Variants in PCYT2 observed in about 807,000 individuals in gnomAD.
PCYT2 encodes ethanolamine-phosphate cytidylyltransferase.
In PCYT2, 33 loss-of-function variants were observed where a neutral mutation model predicts 50.0. That is an observed-to-expected ratio of 0.66 (90% CI 0.50 to 0.88). PCYT2 has a LOEUF of 0.88. Ranked by LOEUF, PCYT2 falls within the 40% of genes least tolerant of loss-of-function variation. The pLI is 0.00. For synonymous variants in PCYT2, 240 were observed against 203.7 expected, an observed-to-expected ratio of 1.18 and a Z score of -1.52; for missense variants, 430 against 519.7, an observed-to-expected ratio of 0.83 and a Z score of 1.68.
At position 81,902,179 on chromosome 17, in the gene PCYT2, T is replaced by A; in HGVS notation, c.*2654A>T. 25 of 935,608 alleles carry A rather than the reference T, an allele frequency of 2.7e-5. No individual in the cohort carries two copies. The highest frequency in any genetic ancestry group is 3.3e-5 in the Non-Finnish European group (24 of 730,262). 58.0% of individuals were successfully genotyped at this position (935,608 alleles called of 1,614,324 possible). A position where few individuals can be genotyped will look rare whatever the true frequency, so the allele number is the denominator to read the frequency against. The stretch of plus-strand genomic sequence containing the variant: ...GCCCGCCCGCCGCCCCTCCCGGCCC[T>A]CCGCAGCCTCGGCCCGCCCTCGCCG... On this transcript the variant is annotated 3_prime_UTR_variant, in exon 13 of 13. Transcript: ENST00000538936.
intron 6 of PCYT2, 110 bp downstream of exon 6, chr17:81,907,444 G>A: frequency 7.8e-7 from 1 of 1,276,206 alleles, no homozygotes; most frequent in Non-Finnish European, 1.1e-6. Context: ...GGGACAGAGG[G>A]AGGAGGGTGA....
At chr17:81,909,142 G>A (rs2143720065) in intron 2 of PCYT2, 105 bp from the exon 3 acceptor site, 3 of 1,520,488 alleles carry the variant, frequency 2.0e-6, no homozygotes, top group Admixed American at 2.1e-5. Context: ...AGGGCCGGTG[G>A]GGGCAGGCTG....
At chr17:81,910,130 C>T (rs920908884) in intron 1 of PCYT2, among the ~76,000 whole-genome samples, 2 of 152,252 alleles carry the variant, frequency 1.3e-5, no homozygotes, top group African/African-American at 2.4e-5. Context: ...GCCTCAAGCT[C>T]AGCAGGCTTA....
Position 81,905,394 on chromosome 17 carries a change from G to T in PCYT2, c.957C>A (p.Ser319=). The T allele has an allele frequency of 6.4e-7, 1 of 1,560,460 alleles. No individual in the cohort carries two copies. The highest frequency in any genetic ancestry group is 8.7e-7 in the Non-Finnish European group (1 of 1,152,258). The change falls in exon 11 of 13, where the codon TCC becomes TCA. Residue 319 remains serine (S), a synonymous_variant. Coordinates refer to ENST00000538936, the MANE Select transcript of PCYT2 (RefSeq NM_002861.5). ...KTEIIPDRDG[S]DPYQEPKRRG... is the part of the protein sequence containing the mutation. The stretch of plus-strand genomic sequence containing the variant: ...CAGCATGACCCACCTGGTATGGGTC[G>T]GAGCCATCCCTGTCAGGGATAATTT...
chr17:81,910,403 G>A lies in PCYT2; in HGVS notation c.90-801C>T, dbSNP rs1049081440. On this transcript the variant is annotated intron_variant, in intron 1 of 12. Coordinates refer to ENST00000538936, the MANE Select transcript of PCYT2 (RefSeq NM_002861.5). ...CAGAGTTGCTCCACTGCACACCACTGCTTCCTCCCAGCACCCCTGCCACAG... is the reference window on the plus strand; with the variant it reads ...CAGAGTTGCTCCACTGCACACCACTACTTCCTCCCAGCACCCCTGCCACAG... Among the ~76,000 whole-genome samples the A allele has an allele frequency of 4.6e-5, 7 of 152,362 alleles. No individual in the cohort carries two copies. In the East Asian group the frequency reaches 5.8e-4, roughly 13 times the overall value.
Position 81,902,957 on chromosome 17 carries a change from G to A in PCYT2, c.*1876C>T, listed in dbSNP as rs1161962104. 1 of 530,528 alleles carries A rather than the reference G, an allele frequency of 1.9e-6. No individual in the cohort carries two copies. The highest frequency in any genetic ancestry group is 3.7e-5 in the Admixed American group (1 of 26,794). The allele number at this position is 530,528 out of a possible 1,614,324, so 32.9% of individuals were successfully genotyped here. On this transcript the variant is annotated 3_prime_UTR_variant, in exon 13 of 13. Coordinates refer to ENST00000538936, the MANE Select transcript of PCYT2 (RefSeq NM_002861.5). Reference sequence around the variant, plus strand: ...CAGGCCACGAGGGGAACGGGACCTGGAAATCCCCAAGCCTGGGTATGAGAA... The same window carrying A: ...CAGGCCACGAGGGGAACGGGACCTGAAAATCCCCAAGCCTGGGTATGAGAA...
rs1231352755 is a variant in PCYT2, at chr17:81,905,048, G to A, written c.1058+18C>T. On this transcript the variant is annotated intron_variant, in intron 12 of 12. Coordinates refer to ENST00000538936, the MANE Select transcript of PCYT2 (RefSeq NM_002861.5). ...AGCGCCCATGAGGCGGCTCCGAGGTGCCCCCACCCAACTGCACCTGTTGGT... is the reference window on the plus strand; with the variant it reads ...AGCGCCCATGAGGCGGCTCCGAGGTACCCCCACCCAACTGCACCTGTTGGT... The A allele has an allele frequency of 1.7e-5, 28 of 1,607,518 alleles. No individual in the cohort carries two copies. Among genetic ancestry groups the A allele is most frequent in the East Asian group, 2.2e-5 (1 of 44,848 alleles).
chr17:81,905,031 T>C, intron 12 of PCYT2, 35 bp downstream of exon 12: 2 of 1,596,290 alleles, frequency 1.3e-6, no homozygotes, highest in Non-Finnish European at 1.7e-6. Flanking sequence ...AGAGCGCCCA[T>C]GAGGCGGCTC....
chr17:81,906,536 A>G lies in PCYT2; in HGVS notation c.687T>C (p.His229=), dbSNP rs1352928330. 4 of 1,613,382 alleles carry G rather than the reference A, an allele frequency of 2.5e-6. No individual in the cohort carries two copies. Among genetic ancestry groups the G allele is most frequent in the Non-Finnish European group, 3.4e-6 (4 of 1,179,932 alleles). ...TGTGCACCTTCTCCAGGAAGTCCACATGCCCGATGTCTGCACCCAGGTTAA... is the reference window on the plus strand; with the variant it reads ...TGTGCACCTTCTCCAGGAAGTCCACGTGCCCGATGTCTGCACCCAGGTTAA... ...AGAFDLFHIG[H]VDFLEKVHRL... is the part of the protein sequence containing the mutation. The change falls in exon 8 of 13, where the codon CAT becomes CAC. Residue 229 remains histidine (H), a synonymous_variant. Coordinates refer to ENST00000538936, the MANE Select transcript of PCYT2 (RefSeq NM_002861.5).
In PCYT2 at chr17:81,904,670, C is replaced by T; in HGVS notation, c.*163G>A. On this transcript the variant is annotated 3_prime_UTR_variant, in exon 13 of 13. Transcript: ENST00000538936. ...AGCTTTGCTGGAAAGAGCGGAGAGC[C>T]TGCTGCAAACCAGGCACCTTGTAGG... 1 of 594,672 alleles carries T rather than the reference C, an allele frequency of 1.7e-6. No homozygotes were observed. Among genetic ancestry groups the T allele is most frequent in the South Asian group, 2.1e-5 (1 of 47,004 alleles). 36.8% of individuals were successfully genotyped at this position (594,672 alleles called of 1,614,324 possible).
chr17:81,902,829 A>G lies in PCYT2; in HGVS notation c.*2004T>C, dbSNP rs2040016046. ...TGACCCCAGGCCCCTCCGGCGCGGGATGGCGCCCCAGGTCTCCCCTACTCC... is the reference window on the plus strand; with the variant it reads ...TGACCCCAGGCCCCTCCGGCGCGGGGTGGCGCCCCAGGTCTCCCCTACTCC... On this transcript the variant is annotated 3_prime_UTR_variant, in exon 13 of 13. Coordinates refer to ENST00000538936, the MANE Select transcript of PCYT2 (RefSeq NM_002861.5). The G allele has an allele frequency of 3.0e-6, 4 of 1,316,800 alleles. No individual in the cohort carries two copies. The highest frequency in any genetic ancestry group is 2.8e-5 in the South Asian group (2 of 70,194). 81.6% of individuals were successfully genotyped at this position (1,316,800 alleles called of 1,614,324 possible).
At chr17:81,910,915 G>T (rs986082758) in intron 1 of PCYT2, 2 of 987,964 alleles carry the variant, frequency 2.0e-6, no homozygotes, top group Non-Finnish European at 2.4e-6. Flanking sequence ...AGGGACGCTC[G>T]CCCGGAGGCC....
At position 81,902,105 on chromosome 17, in the gene PCYT2, T is replaced by G. The variant is rs542404872; in HGVS notation, c.*2728A>C. 6 of 476,386 alleles carry G rather than the reference T, an allele frequency of 1.3e-5. No homozygotes were observed. Among genetic ancestry groups the G allele is most frequent in the African/African-American group, 1.0e-4 (5 of 48,712 alleles). 29.5% of individuals were successfully genotyped at this position (476,386 alleles called of 1,614,324 possible). On this transcript the variant is annotated 3_prime_UTR_variant, in exon 13 of 13. Coordinates refer to ENST00000538936, the MANE Select transcript of PCYT2 (RefSeq NM_002861.5). ...CGCTCGCCCGCGCGGCTGGTTCCTT[T>G]GGGATGCGGAGGTGCGACGGCTCCT...
intron 12 of PCYT2, 52 bp downstream of exon 12, chr17:81,905,014 C>G (rs2040170746): frequency 6.3e-7 from 1 of 1,590,676 alleles, no homozygotes; most frequent in Non-Finnish European, 8.6e-7. Context: ...CACGGTAAGT[C>G]TAGCGGAGAG....
chr17:81,908,840 G>T (rs368947282), intron 3 of PCYT2, 36 bp downstream of exon 3: 2 of 1,581,820 alleles, frequency 1.3e-6, no homozygotes, highest in East Asian at 2.2e-5. Context: ...GCCACCTGAT[G>T]TCCCCAGGCC....
Position 81,902,152 on chromosome 17 carries a change from C to T in PCYT2, c.*2681G>A. ...TCCTCCGCGCGCGCCCGCTGCACCC[C>T]AGCCCGCCCGCCGCCCCTCCCGGCC... On this transcript the variant is annotated 3_prime_UTR_variant, in exon 13 of 13. Transcript: ENST00000538936. 1.1e-6 allele frequency: 1 copy of T among 937,894 alleles called. No homozygotes were observed. The highest frequency in any genetic ancestry group is 1.4e-6 in the Non-Finnish European group (1 of 735,512). 58.1% of individuals were successfully genotyped at this position (937,894 alleles called of 1,614,324 possible). A position where few individuals can be genotyped will look rare whatever the true frequency, so the allele number is the denominator to read the frequency against.
chr17:81,907,703 C>T (rs1021084936), intron 5 of PCYT2, 70 bp downstream of exon 5: 1 of 1,588,054 alleles, frequency 6.3e-7, no homozygotes, highest in African/African-American at 1.3e-5. Flanking sequence ...CCTGAGAGGG[C>T]AGGGAGGTGC....
chr17:81,902,248 G>A lies in PCYT2; in HGVS notation c.*2585C>T. ...GGCGGTGGCTGCTCCGAGCCCGGACGCCGCCGCCCACCAGTCAGCCGGCGT... is the reference window on the plus strand; with the variant it reads ...GGCGGTGGCTGCTCCGAGCCCGGACACCGCCGCCCACCAGTCAGCCGGCGT... On this transcript the variant is annotated 3_prime_UTR_variant, in exon 13 of 13. Transcript: ENST00000538936. 2 of 1,228,788 alleles carry A rather than the reference G, an allele frequency of 1.6e-6. No individual in the cohort carries two copies. The highest frequency in any genetic ancestry group is 2.0e-6 in the Non-Finnish European group (2 of 986,088). The allele number at this position is 1,228,788 out of a possible 1,614,324, so 76.1% of individuals were successfully genotyped here.
At chr17:81,909,418 T>C in intron 2 of PCYT2, 96 bp downstream of exon 2, 1 of 1,477,534 alleles carries the variant, frequency 6.8e-7, no homozygotes, top group South Asian at 1.2e-5. Context: ...AGCTGTGCCC[T>C]GGCAAGGTGG....
Sources: gnomAD v4.1 joint callset for allele counts (sites outside exome capture counted in the v4.1 genomes callset) on GRCh38, gnomAD v4.1.1 for gene constraint, MANE v1.5 for transcripts, NCBI Gene and HGNC (gene_info 2026-07-23, HGNC 2026-07-21) for gene names.